Variants in RNF216 observed in about 807,000 individuals in gnomAD.
RNF216 encodes the protein E3 ubiquitin-protein ligase RNF216.
RNF216 carries 72 observed loss-of-function variants against 110.8 expected under a neutral mutation model. That is an observed-to-expected ratio of 0.65 (90% confidence interval 0.54 to 0.79). RNF216 has a LOEUF of 0.79. RNF216 is among the 30% of genes least tolerant of loss of function. The pLI is 0.00. For synonymous variants in RNF216, 495 were observed against 407.5 expected, an observed-to-expected ratio of 1.21 and a Z score of -2.59; for missense variants, 1,342 against 1,141.2, an observed-to-expected ratio of 1.18 and a Z score of -2.54.
intron 13 of RNF216, among the ~76,000 whole-genome samples, chr7:5,705,820 T>C (rs1030058823): frequency 2.6e-5 from 4 of 151,578 alleles, no homozygotes; most frequent in Admixed American, 2.0e-4. Flanking sequence ...GGCAGGAGAA[T>C]TGCTTGAACC....
At chr7:5,779,579 C>T (rs1324228400) in intron 1 of RNF216, among the ~76,000 whole-genome samples, 1 of 150,646 alleles carries the variant, frequency 6.6e-6, no homozygotes, top group Admixed American at 6.7e-5. Flanking sequence ...GTGGCTAAAG[C>T]CTGTAATTCT....
rs758404993 is a variant in RNF216, at chr7:5,696,066, CCT to C, written c.2061+15693_2061+15694del. Among the ~76,000 whole-genome samples, 6 of 152,144 alleles carry C rather than the reference CCT, an allele frequency of 3.9e-5. No homozygotes were observed. The highest frequency in any genetic ancestry group is 8.8e-5 in the Non-Finnish European group (6 of 68,028). On this transcript the variant is annotated intron_variant, in intron 13 of 16. Transcript: ENST00000389902. This position sits in a 1 kb window ranked among gnomAD's most constrained non-coding sequence, Gnocchi z 5.4. ...AGCACAACCCAGCACGGCCTTGATCCCTGACTCCCAGGAGGCACGGAAGGACA... is the reference window on the plus strand; with the variant it reads ...AGCACAACCCAGCACGGCCTTGATCCGACTCCCAGGAGGCACGGAAGGACA...
chr7:5,622,725 G>T lies in RNF216; in HGVS notation c.*135C>A. On this transcript the variant is annotated 3_prime_UTR_variant, in exon 17 of 17. Transcript: ENST00000389902. ...GGAGCAGTAGCCCTTCTAGGAAAGG[G>T]GTGGGAAGAAAACCAGCCTACCCTT... 1 of 824,694 alleles carries T rather than the reference G, an allele frequency of 1.2e-6. No homozygotes were observed. Among genetic ancestry groups the T allele is most frequent in the East Asian group, 2.5e-5 (1 of 39,766 alleles). The allele number at this position is 824,694 out of a possible 1,614,324, so 51.1% of individuals were successfully genotyped here.
Position 5,748,605 on chromosome 7 carries a change from TATACATACACACAC to T in RNF216, c.201+4227_201+4240del, listed in dbSNP as rs1340953537. 5.0e-3 allele frequency among the ~76,000 whole-genome samples: 581 copies of T among 116,032 alleles called. 2 individuals carry two copies. Among genetic ancestry groups the T allele is most frequent in the South Asian group, 0.011 (37 of 3,398 alleles). 76.1% of individuals were successfully genotyped at this position (116,032 alleles called of 152,430 possible). On this transcript the variant is annotated intron_variant, in intron 3 of 16. Coordinates refer to ENST00000389902, the MANE Select transcript of RNF216 (RefSeq NM_207111.4). ...TTATAAGAATGCAGTATATTTTTTATATACATACACACACACACACACACACACACACACACACA... is the reference window on the plus strand; with the variant it reads ...TTATAAGAATGCAGTATATTTTTTATACACACACACACACACACACACACA...
chr7:5,726,206 G>A (rs568474758), intron 7 of RNF216, among the ~76,000 whole-genome samples: 1 of 152,144 alleles, frequency 6.6e-6, no homozygotes, highest in South Asian at 2.1e-4. Flanking sequence ...GAGCCTGAGA[G>A]GCAGGGTTGC....
chr7:5,741,993 G>A (rs1204324809), intron 3 of RNF216, among the ~76,000 whole-genome samples, 178 bp from the exon 4 acceptor site: 1 of 152,046 alleles, frequency 6.6e-6, no homozygotes, highest in East Asian at 1.9e-4. Context: ...TATACTATCT[G>A]TAAGAATCAA....
chr7:5,738,662 C>A (rs1005971539), intron 5 of RNF216, among the ~76,000 whole-genome samples: 1 of 129,338 alleles, frequency 7.7e-6, no homozygotes, highest in African/African-American at 3.0e-5. Context: ...GAGCCGAGAT[C>A]GCACCACTGG....
intron 13 of RNF216, among the ~76,000 whole-genome samples, chr7:5,681,514 T>C (rs1189482669): frequency 6.6e-6 from 1 of 152,170 alleles, no homozygotes; most frequent in Admixed American, 6.5e-5. Context: ...AGGGGTGTTC[T>C]CAAGCCTCTA....
At chr7:5,776,926 G>C (rs1365844118) in intron 1 of RNF216, among the ~76,000 whole-genome samples, 1 of 139,748 alleles carries the variant, frequency 7.2e-6, no homozygotes, top group African/African-American at 2.6e-5. Flanking sequence ...AAGAGAGAGA[G>C]AAAAAGAGAG....
intron 13 of RNF216, among the ~76,000 whole-genome samples, chr7:5,707,205 T>C (rs1037360225): frequency 5.3e-4 from 81 of 152,230 alleles, no homozygotes; most frequent in African/African-American, 1.8e-3. Flanking sequence ...GCTTCCAGCT[T>C]TGTTCTTCTT....
chr7:5,715,011 G>T, intron 11 of RNF216, 42 bp downstream of exon 11: 1 of 1,553,854 alleles, frequency 6.4e-7, no homozygotes. Flanking sequence ...TAGACTCCAG[G>T]AATGTGTCCT....
intron 13 of RNF216, among the ~76,000 whole-genome samples, chr7:5,657,316 C>G (rs2128581546): frequency 6.6e-6 from 1 of 152,252 alleles, no homozygotes; most frequent in South Asian, 2.1e-4. Context: ...ACCTGTAATC[C>G]CAGCACTTTG....
At chr7:5,682,783 A>C (rs1790743295) in intron 13 of RNF216, among the ~76,000 whole-genome samples, 2 of 152,208 alleles carry the variant, frequency 1.3e-5, no homozygotes, top group African/African-American at 4.8e-5. Flanking sequence ...AGAAATTTGA[A>C]ACTGTGCTCC....
intron 3 of RNF216, among the ~76,000 whole-genome samples, chr7:5,746,147 C>T (rs1398326052): frequency 2.6e-5 from 4 of 152,152 alleles, no homozygotes; most frequent in South Asian, 4.1e-4. Context: ...CTGCAAGTGT[C>T]GGAAGTCCTT....
chr7:5,754,831 G>A (rs918468614), intron 2 of RNF216, among the ~76,000 whole-genome samples: 4 of 151,880 alleles, frequency 2.6e-5, no homozygotes, highest in African/African-American at 9.7e-5. Flanking sequence ...AGTTCGAGAC[G>A]AGCCTGGCCA....
chr7:5,687,067 G>A (rs529940878), intron 13 of RNF216, among the ~76,000 whole-genome samples: 2 of 152,296 alleles, frequency 1.3e-5, no homozygotes, highest in East Asian at 3.9e-4. Flanking sequence ...TCAAGTGAAT[G>A]TTATAGAAAC....
At chr7:5,736,842 C>T (rs941925174) in intron 5 of RNF216, among the ~76,000 whole-genome samples, 6 of 150,804 alleles carry the variant, frequency 4.0e-5, no homozygotes, top group Admixed American at 1.3e-4. Flanking sequence ...CCCTCCGCCC[C>T]GCAGCCACCC....
chr7:5,748,860 G>A (rs144419531), intron 3 of RNF216, among the ~76,000 whole-genome samples: 1 of 152,148 alleles, frequency 6.6e-6, no homozygotes. Context: ...TGTTGTTCAA[G>A]TGTAAACTGT....
rs1042203946 is a variant in RNF216 at position 5,775,527 on chromosome 7, A to G, written c.-70+6014T>C. On this transcript the variant is annotated intron_variant, in intron 1 of 16. Transcript: ENST00000389902. ...TTCTGCAACAGATTTGGGGGTCACT[A>G]AAGACTTTCAAATTTAATGAGTTAA... Among the ~76,000 whole-genome samples, 11 of 152,132 alleles carry G rather than the reference A, an allele frequency of 7.2e-5. No individual in the cohort carries two copies. The East Asian group carries it at 1.7e-3, about 24-fold the overall frequency.
Sources: gnomAD v4.1 joint callset for allele counts (sites outside exome capture counted in the v4.1 genomes callset) on GRCh38, gnomAD v4.1.1 for gene constraint, Gnocchi (gnomAD v3.1) non-coding constraint, MANE v1.5 for transcripts, NCBI Gene and HGNC (gene_info 2026-07-23, HGNC 2026-07-21) for gene names.